RAB28: variants seen among roughly 807,000 people sequenced by gnomAD.
RAB28 encodes ras-related protein Rab-28.
In RAB28, 24 loss-of-function variants were observed where a neutral mutation model predicts 31.7. The ratio of observed to expected loss-of-function variants is 0.76; its 90% CI spans 0.55 to 1.06. The LOEUF (loss-of-function observed/expected upper bound fraction) is 1.06. RAB28 is among the 50% of genes least tolerant of loss of function. The pLI is 0.00. For synonymous variants in RAB28, 100 were observed against 90.4 expected (o/e 1.11, Z -0.60); for missense variants, 254 against 258.5 (o/e 0.98, Z 0.12).
intron 4 of RAB28, among the ~76,000 whole-genome samples, chr4:13,444,765 C>T (rs1483295524): frequency 6.6e-6 from 1 of 152,112 alleles, no homozygotes; most frequent in East Asian, 1.9e-4. Context: ...AATCTTTAGA[C>T]CTCATCTCTT....
chr4:13,375,768 A>ACACACACACACAC (rs1728894857), intron 6 of RAB28, among the ~76,000 whole-genome samples: 125 of 148,166 alleles, frequency 8.4e-4, no homozygotes, highest in African/African-American at 3.0e-3. Context: ...ATTGTTTTAA[A>ACACACACACACAC]ACACACACAC....
At chr4:13,451,646 T>C (rs1445478515) in intron 4 of RAB28, among the ~76,000 whole-genome samples, 2 of 151,964 alleles carry the variant, frequency 1.3e-5, no homozygotes, top group East Asian at 3.9e-4. Flanking sequence ...ATTCATAAAA[T>C]CTTTTCCCAG....
chr4:13,427,895 T>G (rs1386019030), intron 4 of RAB28, among the ~76,000 whole-genome samples: 1 of 152,124 alleles, frequency 6.6e-6, no homozygotes, highest in African/African-American at 2.4e-5. Context: ...AAGAACGAAG[T>G]GCTTTATTCG....
chr4:13,424,193 T>A (rs1030950729), intron 4 of RAB28, among the ~76,000 whole-genome samples: 1 of 152,220 alleles, frequency 6.6e-6, no homozygotes, highest in East Asian at 1.9e-4. Flanking sequence ...AAAGTTGCCA[T>A]AAGAAAGTAC....
chr4:13,444,750 AG>A (rs1284619052), intron 4 of RAB28, among the ~76,000 whole-genome samples: 1 of 152,236 alleles, frequency 6.6e-6, no homozygotes, highest in Non-Finnish European at 1.5e-5. Flanking sequence ...TGTAACCCAA[AG>A]CTTAATCTTT....
At chr4:13,450,649 A>T (rs1397928192) in intron 4 of RAB28, among the ~76,000 whole-genome samples, 1 of 151,906 alleles carries the variant, frequency 6.6e-6, no homozygotes, top group Non-Finnish European at 1.5e-5. Context: ...AAGAAACAAT[A>T]TATCAGATGA....
At chr4:13,459,993 G>A (rs958235552) in intron 4 of RAB28, 1 of 1,010,976 alleles carries the variant, frequency 9.9e-7, no homozygotes, top group African/African-American at 1.7e-5. Flanking sequence ...CAAAGCAGCG[G>A]AGCAGTTATA....
chr4:13,453,002 A>T (rs1715055253), intron 4 of RAB28, among the ~76,000 whole-genome samples: 1 of 152,128 alleles, frequency 6.6e-6, no homozygotes, highest in Non-Finnish European at 1.5e-5. Flanking sequence ...TGCTGAATTC[A>T]TCCTTTTATT....
intron 6 of RAB28, among the ~76,000 whole-genome samples, chr4:13,375,562 G>C (rs1328293174): frequency 6.6e-6 from 1 of 152,068 alleles, no homozygotes; most frequent in Non-Finnish European, 1.5e-5. Context: ...CCCAAAACAA[G>C]TAACCACTTT....
Position 13,460,840 on chromosome 4 carries a change from G to C in RAB28, c.262-12C>G. On this transcript the variant is annotated splice_polypyrimidine_tract_variant and intron_variant, in intron 3 of 6. Transcript: ENST00000330852. The stretch of plus-strand genomic sequence containing the variant: ...ACCAAGAGGACTCCCTGTCACAAAA[G>C]AGTTACAAAATATCTGTAATGTATT... 1 of 1,606,254 alleles carries C rather than the reference G, an allele frequency of 6.2e-7. No homozygotes were observed. The highest frequency in any genetic ancestry group is 8.5e-7 in the Non-Finnish European group (1 of 1,175,590).
At chr4:13,458,096 A>G (rs954561997) in intron 4 of RAB28, among the ~76,000 whole-genome samples, 1 of 152,212 alleles carries the variant, frequency 6.6e-6, no homozygotes, top group African/African-American at 2.4e-5. Flanking sequence ...ACTGAAAAGC[A>G]TCTGATTCAC....
chr4:13,375,794 C>CAGAG (rs58965843), intron 6 of RAB28, among the ~76,000 whole-genome samples: 13 of 148,212 alleles, frequency 8.8e-5, no homozygotes, highest in African/African-American at 1.5e-4. Flanking sequence ...CACACACACA[C>CAGAG]AGAGAGAGAG....
chr4:13,419,414 C>T (rs1192844339), intron 4 of RAB28, among the ~76,000 whole-genome samples: 1 of 152,182 alleles, frequency 6.6e-6, no homozygotes, highest in African/African-American at 2.4e-5. Context: ...TAGATATCTA[C>T]AGAACTCTCC....
chr4:13,415,995 C>T (rs765399799), intron 4 of RAB28, among the ~76,000 whole-genome samples: 12 of 152,324 alleles, frequency 7.9e-5, no homozygotes, highest in Non-Finnish European at 1.5e-4. Flanking sequence ...AATCGACACT[C>T]TGTATCTAGC....
rs112346225 is a variant in RAB28, at chr4:13,419,272, G to C, written c.392-37678C>G. 7.4e-3 allele frequency among the ~76,000 whole-genome samples: 1,122 copies of C among 152,244 alleles called. 20 individuals are homozygous for C. The highest frequency in any genetic ancestry group is 0.025 in the African/African-American group (1,038 of 41,536). On this transcript the variant is annotated intron_variant, in intron 4 of 6. Transcript: ENST00000330852. ...AAGCAAGTCCTTAGAGACCTAGAAA[G>C]AGACTTAGACTACCACACAATAATA...
chr4:13,385,774 G>T (rs938494643), intron 4 of RAB28, among the ~76,000 whole-genome samples: 1 of 152,038 alleles, frequency 6.6e-6, no homozygotes, highest in Admixed American at 6.6e-5. Context: ...ACACAAAAAA[G>T]TCTGCATAAT....
intron 4 of RAB28, among the ~76,000 whole-genome samples, chr4:13,388,221 A>G (rs1394159983): frequency 1.3e-5 from 2 of 152,016 alleles, no homozygotes; most frequent in Non-Finnish European, 1.5e-5. Flanking sequence ...CCTCACATAT[A>G]TGGCCAAATG....
chr4:13,373,557 C>T (rs1369485321), intron 6 of RAB28, among the ~76,000 whole-genome samples: 1 of 152,168 alleles, frequency 6.6e-6, no homozygotes, highest in Non-Finnish European at 1.5e-5. Flanking sequence ...TGGCATTACA[C>T]AGACCCTCAA....
chr4:13,459,414 A>G (rs1022720513), intron 4 of RAB28, among the ~76,000 whole-genome samples: 4 of 152,190 alleles, frequency 2.6e-5, no homozygotes, highest in African/African-American at 9.7e-5. Flanking sequence ...TATATACTCT[A>G]TAACGTTCAC....
Sources: gnomAD v4.1 joint callset for allele counts (sites outside exome capture counted in the v4.1 genomes callset) on GRCh38, gnomAD v4.1.1 for gene constraint, MANE v1.5 for transcripts, NCBI Gene and HGNC (gene_info 2026-07-23, HGNC 2026-07-21) for gene names.